INVS: variants seen among roughly 807,000 people sequenced by gnomAD.
The protein encoded by INVS is inversin.
Under a neutral mutation model 108.8 loss-of-function variants are expected in INVS, and 86 were observed. The observed-to-expected ratio is 0.79, with a 90% CI of 0.66 to 0.95. INVS has a LOEUF of 0.95. INVS is among the 40% of genes least tolerant of loss of function. The pLI is 0.00. For synonymous variants in INVS, 455 were observed against 473.5 expected (o/e 0.96, Z 0.51); for missense variants, 1,169 against 1,297.4 (o/e 0.90, Z 1.52).
At chr9:100,253,559 C>A (rs969432798) in intron 10 of INVS, among the ~76,000 whole-genome samples, 1 of 152,036 alleles carries the variant, frequency 6.6e-6, no homozygotes, top group Non-Finnish European at 1.5e-5. Flanking sequence ...TGCTATCCCT[C>A]CCTGCTTCCC....
intron 16 of INVS, 53 bp downstream of exon 16, chr9:100,298,063 T>C (rs1310059369): frequency 1.2e-6 from 2 of 1,613,416 alleles, no homozygotes; most frequent in Non-Finnish European, 1.7e-6. Flanking sequence ...GGAAGCATTT[T>C]CCTTTGTTTC....
chr9:100,224,071 A>G (rs531034996), intron 3 of INVS, among the ~76,000 whole-genome samples: 1 of 152,334 alleles, frequency 6.6e-6, no homozygotes, highest in South Asian at 2.1e-4. Context: ...ACGCAAAAAA[A>G]TCTCATAATG....
At chr9:100,132,116 C>T (rs963106599) in intron 3 of INVS, among the ~76,000 whole-genome samples, 2 of 152,158 alleles carry the variant, frequency 1.3e-5, no homozygotes, top group Non-Finnish European at 2.9e-5. Context: ...CTAGGTCTCA[C>T]GCCCAGTAAA....
At chr9:100,298,394 G>A (rs1363456613) in intron 16 of INVS, 1 of 886,868 alleles carries the variant, frequency 1.1e-6, no homozygotes, top group Non-Finnish European at 1.4e-6. Flanking sequence ...AGAACACCAT[G>A]AAGAGAACAC....
intron 10 of INVS, among the ~76,000 whole-genome samples, chr9:100,256,766 C>T (rs1345629715): frequency 6.6e-6 from 1 of 152,192 alleles, no homozygotes; most frequent in Non-Finnish European, 1.5e-5. Flanking sequence ...TTTGATTGCA[C>T]TGTGGTCTGA....
chr9:100,161,381 A>C (rs926497780), intron 3 of INVS, among the ~76,000 whole-genome samples: 1 of 149,856 alleles, frequency 6.7e-6, no homozygotes, highest in Non-Finnish European at 1.5e-5. Flanking sequence ...AAAAAAAAAA[A>C]AAAAAAAAAA....
intron 3 of INVS, among the ~76,000 whole-genome samples, chr9:100,217,491 G>A (rs1274904049): frequency 6.6e-6 from 1 of 152,132 alleles, no homozygotes; most frequent in African/African-American, 2.4e-5. Context: ...TAATGGCATA[G>A]CTAGGAGCTA....
Position 100,293,016 on chromosome 9 carries a change from C to G in INVS, c.2759C>G (p.Ala920Gly). Residue 920 changes from alanine to glycine, a missense_variant, in exon 14 of 17, where the codon GCA becomes GGA. By Grantham distance (60) the Ala-to-Gly change is moderately conservative. Coordinates refer to ENST00000262457, the MANE Select transcript of INVS (RefSeq NM_014425.5). ...CTGTTTCGCAAAAAGAACAAGGCAG[C>G]AGCAGTCATCCAGCGCGCCTGGCGA... ...KELFRKKNKA[A>G]AVIQRAWRSY... The G allele has an allele frequency of 6.2e-7, 1 of 1,614,064 alleles. No homozygotes were observed. The highest frequency in any genetic ancestry group is 8.5e-7 in the Non-Finnish European group (1 of 1,180,022).
chr9:100,215,843 A>G (rs1030439774), intron 3 of INVS, among the ~76,000 whole-genome samples: 1 of 152,202 alleles, frequency 6.6e-6, no homozygotes, highest in Admixed American at 6.5e-5. Flanking sequence ...TCCTCCATGT[A>G]ATGTGGACTC....
intron 10 of INVS, among the ~76,000 whole-genome samples, chr9:100,257,064 A>G (rs906984634): frequency 6.6e-5 from 10 of 152,156 alleles, no homozygotes; most frequent in South Asian, 4.1e-4. Flanking sequence ...ATAGGTCTCT[A>G]AGAACTTGCT....
intron 3 of INVS, among the ~76,000 whole-genome samples, chr9:100,153,004 A>T (rs953888174): frequency 8.5e-6 from 1 of 117,888 alleles, no homozygotes; most frequent in Admixed American, 7.7e-5. Context: ...TTGTTAACTA[A>T]TTGTGTGTGT....
intron 3 of INVS, among the ~76,000 whole-genome samples, chr9:100,150,599 A>C (rs1238294551): frequency 1.3e-5 from 2 of 152,198 alleles, no homozygotes; most frequent in Admixed American, 1.3e-4. Flanking sequence ...CATCAATTCT[A>C]AAGAAAATTT....
intron 10 of INVS, among the ~76,000 whole-genome samples, chr9:100,260,777 C>T (rs1288822397): frequency 1.3e-5 from 2 of 152,096 alleles, no homozygotes; most frequent in Admixed American, 6.6e-5. Context: ...ATGCTCTTAA[C>T]CCAAATATAG....
intron 2 of INVS, among the ~76,000 whole-genome samples, chr9:100,120,071 A>G (rs1024482482): frequency 5.9e-5 from 9 of 152,334 alleles, no homozygotes; most frequent in Admixed American, 5.9e-4. Context: ...ACCGTGCTTC[A>G]AATTCCAGAT....
chr9:100,164,248 A>G (rs1312428652), intron 3 of INVS, among the ~76,000 whole-genome samples: 1 of 152,214 alleles, frequency 6.6e-6, no homozygotes, highest in African/African-American at 2.4e-5. Flanking sequence ...TCATATTTAT[A>G]CATGGTGTCA....
intron 3 of INVS, among the ~76,000 whole-genome samples, chr9:100,150,913 G>T (rs1319852966): frequency 6.6e-6 from 1 of 152,074 alleles, no homozygotes; most frequent in African/African-American, 2.4e-5. Context: ...AAAGTGAGGG[G>T]GATTAAGAGA....
At position 100,292,909 on chromosome 9, in the gene INVS, C is replaced by A. The variant is rs115556532; in HGVS notation, c.2652C>A (p.Leu884=). 1.9e-6 allele frequency: 3 copies of A among 1,613,966 alleles called. No homozygotes were observed. Among genetic ancestry groups the A allele is most frequent in the African/African-American group, 2.7e-5 (2 of 74,930 alleles). The change falls in exon 14 of 17, where the codon CTC becomes CTA. Residue 884 remains leucine, a synonymous_variant. Transcript: ENST00000262457. ...AGACTGATCCAGCACCTGGTCCCCT[C>A]TCTGGGCAGAGTGTGAATATTGACC... The part of the protein sequence containing the change: ...SKETDPAPGP[L]SGQSVNIDLL...
At chr9:100,199,133 G>A (rs1394805867) in intron 3 of INVS, among the ~76,000 whole-genome samples, 1 of 152,168 alleles carries the variant, frequency 6.6e-6, no homozygotes, top group Non-Finnish European at 1.5e-5. Context: ...TTGAGGGACA[G>A]TACTTTGAAA....
chr9:100,118,195 C>T (rs983547178), intron 2 of INVS, among the ~76,000 whole-genome samples: 1 of 151,632 alleles, frequency 6.6e-6, no homozygotes, highest in East Asian at 1.9e-4. Flanking sequence ...AGTCACCATT[C>T]CCAGCCAATT....
Sources: gnomAD v4.1 joint callset for allele counts (sites outside exome capture counted in the v4.1 genomes callset) on GRCh38, gnomAD v4.1.1 for gene constraint, MANE v1.5 for transcripts, NCBI Gene and HGNC (gene_info 2026-07-23, HGNC 2026-07-21) for gene names.